ROBO1: variants seen among roughly 807,000 people sequenced by gnomAD.
The protein encoded by ROBO1 is roundabout homolog 1.
ROBO1 carries 149 observed loss-of-function variants against 195.9 expected under a neutral mutation model. The observed-to-expected ratio is 0.76, with a 90% confidence interval of 0.67 to 0.87. The LOEUF is 0.87. Ranked by LOEUF, ROBO1 falls within the 40% of genes least tolerant of loss-of-function variation. ROBO1 has a pLI of 0.00. For synonymous variants in ROBO1, 816 were observed against 733.2 expected (o/e 1.11, Z -1.82); for missense variants, 1,933 against 2,068.3 (o/e 0.93, Z 1.27).
intron 2 of ROBO1, among the ~76,000 whole-genome samples, chr3:79,488,095 GC>G (rs1210466435): frequency 3.3e-5 from 5 of 151,954 alleles, no homozygotes; most frequent in Non-Finnish European, 5.9e-5. Context: ...AAAAAATAAT[GC>G]TTTCTTTTTA....
At chr3:79,547,184 CAAAAA>C (rs1162585941) in intron 2 of ROBO1, among the ~76,000 whole-genome samples, 814 of 23,092 alleles carry the variant, frequency 0.035, 2 homozygotes, top group Middle Eastern at 0.14. Flanking sequence ...GACTCCGCCT[CAAAAA>C]AAAAAAAAAA....
At chr3:79,246,349 GC>G (rs2082623896) in intron 2 of ROBO1, among the ~76,000 whole-genome samples, 1 of 152,088 alleles carries the variant, frequency 6.6e-6, no homozygotes, top group African/African-American at 2.4e-5. Context: ...CTGATTAGTT[GC>G]AGAGTTAGCT....
In ROBO1 at chr3:79,544,425, T is replaced by A. The variant is rs114303872; in HGVS notation, c.88+45399A>T. ...TGATTACTGAAATTTAGATAACTTTTAAACTTTCATGTATATTAAATTGTC... is the reference window on the plus strand; with the variant it reads ...TGATTACTGAAATTTAGATAACTTTAAAACTTTCATGTATATTAAATTGTC... On this transcript the variant is annotated intron_variant, in intron 2 of 30. Transcript: ENST00000464233. Among the ~76,000 whole-genome samples, 1,139 of 152,122 alleles carry A rather than the reference T, an allele frequency of 7.5e-3. 13 individuals carry two copies. Among genetic ancestry groups the A allele is most frequent in the Non-Finnish European group, 8.6e-3 (583 of 67,936 alleles).
intron 5 of ROBO1, among the ~76,000 whole-genome samples, chr3:78,740,116 C>T (rs1166534941): frequency 6.6e-6 from 1 of 152,090 alleles, no homozygotes; most frequent in Non-Finnish European, 1.5e-5. Flanking sequence ...GTAATAGGAC[C>T]TGGCACACAG....
chr3:79,224,698 C>A (rs2082195604), intron 2 of ROBO1, among the ~76,000 whole-genome samples: 1 of 151,996 alleles, frequency 6.6e-6, no homozygotes, highest in African/African-American at 2.4e-5. Context: ...ATCCTTAGAC[C>A]CCATTGGATT....
intron 10 of ROBO1, among the ~76,000 whole-genome samples, chr3:78,682,835 A>G (rs987344788): frequency 6.6e-6 from 1 of 150,896 alleles, no homozygotes; most frequent in Non-Finnish European, 1.5e-5. Context: ...TGACTTTTTT[A>G]TATTAACCTT....
chr3:78,609,195 A>T (rs2107313068), intron 28 of ROBO1, among the ~76,000 whole-genome samples: 1 of 152,304 alleles, frequency 6.6e-6, no homozygotes, highest in East Asian at 1.9e-4. Context: ...ATTTTAAATT[A>T]AAAAAATACA....
At chr3:78,931,905 A>C (rs568285832) in intron 4 of ROBO1, among the ~76,000 whole-genome samples, 1 of 152,228 alleles carries the variant, frequency 6.6e-6, no homozygotes, top group African/African-American at 2.4e-5. Flanking sequence ...GAGCCCAGGA[A>C]GTTGAGTCTA....
intron 1 of ROBO1, among the ~76,000 whole-genome samples, chr3:79,687,005 G>T (rs1288948312): frequency 6.6e-6 from 1 of 152,120 alleles, no homozygotes; most frequent in Non-Finnish European, 1.5e-5. Flanking sequence ...GCATGTACTG[G>T]TACCAAAACA....
chr3:79,294,660 G>A (rs2032478253), intron 2 of ROBO1, among the ~76,000 whole-genome samples: 1 of 151,962 alleles, frequency 6.6e-6, no homozygotes, highest in African/African-American at 2.4e-5. Flanking sequence ...GGGTGAACAG[G>A]CAACCTACAG....
At chr3:79,379,192 A>G (rs1274299482) in intron 2 of ROBO1, among the ~76,000 whole-genome samples, 1 of 152,194 alleles carries the variant, frequency 6.6e-6, no homozygotes, top group African/African-American at 2.4e-5. Flanking sequence ...GTATTTCAAG[A>G]CAAGATACTA....
chr3:79,363,340 C>T (rs1235651601), intron 2 of ROBO1, among the ~76,000 whole-genome samples: 1 of 152,132 alleles, frequency 6.6e-6, no homozygotes, highest in Non-Finnish European at 1.5e-5. Context: ...TCTAATTCAA[C>T]ATGATCACAA....
At chr3:79,240,888 C>T (rs569236266) in intron 2 of ROBO1, among the ~76,000 whole-genome samples, 21 of 152,064 alleles carry the variant, frequency 1.4e-4, no homozygotes, top group Non-Finnish European at 2.4e-4. Context: ...AGTGAACCTC[C>T]TACCTCAGCT....
At chr3:79,422,960 C>T (rs887824244) in intron 2 of ROBO1, among the ~76,000 whole-genome samples, 3 of 149,836 alleles carry the variant, frequency 2.0e-5, no homozygotes, top group Non-Finnish European at 3.0e-5. Flanking sequence ...TTTGATACAA[C>T]CTTATTTAGT....
At chr3:79,729,978 A>G (rs1264740539) in intron 1 of ROBO1, among the ~76,000 whole-genome samples, 3 of 152,204 alleles carry the variant, frequency 2.0e-5, no homozygotes, top group African/African-American at 7.2e-5. Context: ...TGTCCTTTAC[A>G]TAATGTTTTA....
At chr3:79,657,997 A>G (rs555855169) in intron 1 of ROBO1, among the ~76,000 whole-genome samples, 1 of 152,118 alleles carries the variant, frequency 6.6e-6, no homozygotes, top group South Asian at 2.1e-4. Flanking sequence ...GGCTGAATAT[A>G]GGAAAAAGAT....
intron 3 of ROBO1, among the ~76,000 whole-genome samples, chr3:78,995,173 T>C (rs2077332933): frequency 6.6e-6 from 1 of 152,198 alleles, no homozygotes; most frequent in Admixed American, 6.5e-5. Context: ...ACTGATGATA[T>C]TCTTTTCTTT....
chr3:79,751,336 T>C (rs943477559), intron 1 of ROBO1, among the ~76,000 whole-genome samples: 15 of 152,176 alleles, frequency 9.9e-5, no homozygotes, highest in African/African-American at 3.6e-4. Flanking sequence ...ATCATTAAAA[T>C]GTATTATTAA....
chr3:78,983,042 G>A (rs1235154617), intron 3 of ROBO1, among the ~76,000 whole-genome samples: 1 of 151,898 alleles, frequency 6.6e-6, no homozygotes, highest in Non-Finnish European at 1.5e-5. Context: ...CAAGTAGCTG[G>A]GACTACAGGT....
Sources: gnomAD v4.1 joint callset for allele counts (sites outside exome capture counted in the v4.1 genomes callset) on GRCh38, gnomAD v4.1.1 for gene constraint, MANE v1.5 for transcripts, NCBI Gene and HGNC (gene_info 2026-07-23, HGNC 2026-07-21) for gene names.